The following ACOT11 variants were observed in gnomAD, a reference collection of about 807,000 sequenced individuals.
ACOT11 encodes acyl-coenzyme A thioesterase 11.
ACOT11 carries 69 observed loss-of-function variants against 77.5 expected under a neutral mutation model. That is an observed-to-expected ratio of 0.89 (90% CI 0.73 to 1.09). ACOT11 has a LOEUF of 1.09. Ranked by LOEUF, ACOT11 falls within the 50% of genes least tolerant of loss-of-function variation. ACOT11 has a pLI of 0.00. For missense variants in ACOT11, 766 were observed against 813.7 expected (o/e 0.94, Z 0.71); for synonymous variants, 279 against 313.0 (o/e 0.89, Z 1.15).
chr1:54,586,583 T>C (rs605772), intron 3 of ACOT11, among the ~76,000 whole-genome samples: 144,105 of 152,108 alleles, frequency 0.95, 68,350 homozygotes, highest in East Asian at 1. Flanking sequence ...AGGTGCCTGC[T>C]ACAAGGCCCG....
intron 1 of ACOT11, among the ~76,000 whole-genome samples, chr1:54,564,151 G>A (rs1653652117): frequency 6.6e-6 from 1 of 151,846 alleles, no homozygotes; most frequent in African/African-American, 2.4e-5. Context: ...GAGGTGGGAG[G>A]ATTGCTTGAG....
At chr1:54,606,625 T>C (rs1036415628) in intron 13 of ACOT11, among the ~76,000 whole-genome samples, 10 of 152,222 alleles carry the variant, frequency 6.6e-5, no homozygotes, top group Non-Finnish European at 1.2e-4. Flanking sequence ...ATCTATGAGA[T>C]AGGAATACTA....
At chr1:54,633,961 T>A (rs750760677) in intron 16 of ACOT11, among the ~76,000 whole-genome samples, 30 of 152,212 alleles carry the variant, frequency 2.0e-4, no homozygotes, top group Non-Finnish European at 3.2e-4. Flanking sequence ...CACCTACTGG[T>A]GTTATTGTCC....
chr1:54,589,338 T>TTTTTTTTTG (rs1553163551), intron 3 of ACOT11, among the ~76,000 whole-genome samples: 1 of 146,778 alleles, frequency 6.8e-6, no homozygotes, highest in Non-Finnish European at 1.5e-5. Flanking sequence ...TTTTTTTTTT[T>TTTTTTTTTG]AGAGAAGGAT....
At chr1:54,611,398 T>C (rs557201101), downstream of ACOT11, among the ~76,000 whole-genome samples, 21 of 151,800 alleles carry the variant, frequency 1.4e-4, no homozygotes, top group African/African-American at 4.8e-4. Context: ...AGACTACATC[T>C]CAAAAAAATA....
At chr1:54,626,286 A>G (rs1644272141) in intron 15 of ACOT11, among the ~76,000 whole-genome samples, 1 of 152,020 alleles carries the variant, frequency 6.6e-6, no homozygotes. Context: ...AAGAAAAGAA[A>G]AAAGAGAAAA....
intron 15 of ACOT11, among the ~76,000 whole-genome samples, chr1:54,622,457 A>G (rs1320964440): frequency 6.6e-6 from 1 of 152,060 alleles, no homozygotes; most frequent in African/African-American, 2.4e-5. Flanking sequence ...GCACGCCTGT[A>G]GTCCCAGCTA....
At position 54,620,845 on chromosome 1, in the gene ACOT11, C is replaced by CAAAAAAAAAAAA. The variant is rs767625864; in HGVS notation, c.1630-9868_1630-9857dup. Among the ~76,000 whole-genome samples, 23 of 12,134 alleles carry CAAAAAAAAAAAA rather than the reference C, an allele frequency of 1.9e-3. 4 individuals are homozygous for CAAAAAAAAAAAA. Among genetic ancestry groups the CAAAAAAAAAAAA allele is most frequent in the Non-Finnish European group, 2.8e-3 (19 of 6,670 alleles). 8.0% of individuals were successfully genotyped at this position (12,134 alleles called of 152,430 possible). On this transcript the variant is annotated intron_variant, in intron 15 of 16. Coordinates refer to the ACOT11 transcript ENST00000371316. ...CCTGGATGACACAAAGAGACTCTGT[C>CAAAAAAAAAAAA]AAAAAAAAAAAAAAAAAAAAAAAAA...
chr1:54,633,130 A>G (rs1644310704), intron 16 of ACOT11, among the ~76,000 whole-genome samples: 1 of 152,248 alleles, frequency 6.6e-6, no homozygotes, highest in Non-Finnish European at 1.5e-5. Context: ...GCTAAAGATT[A>G]GGAAAAAATT....
At position 54,610,196 on chromosome 1, in the gene ACOT11, A is replaced by C; in HGVS notation, c.*1084A>C. 7.0e-7 allele frequency: 1 copy of C among 1,433,626 alleles called. No homozygotes were observed. Among genetic ancestry groups the C allele is most frequent in the Non-Finnish European group, 9.1e-7 (1 of 1,099,354 alleles). 88.8% of individuals were successfully genotyped at this position (1,433,626 alleles called of 1,614,324 possible). ...GGCTGGTGCCGGCCTTGCCTGCAGC[A>C]ATGTAGCTGAGGACTGGTCTGAAGG... is the stretch of plus-strand genomic sequence containing the variant. On this transcript the variant is annotated 3_prime_UTR_variant, in exon 16 of 16. Transcript: ENST00000343744.
In ACOT11 at chr1:54,609,365, GCTGTC is replaced by G. The variant is rs751940506; in HGVS notation, c.*256_*260del. 6.2e-7 allele frequency: 1 copy of G among 1,614,054 alleles called. No individual in the cohort carries two copies. The highest frequency in any genetic ancestry group is 1.7e-5 in the Admixed American group (1 of 60,006). ...GTCCACAGCCCTAGCTGCCAGCAAT[GCTGTC>G]CTCACAGAGGCATAGTCGCCCCCAG... On this transcript the variant is annotated 3_prime_UTR_variant, in exon 16 of 16. Coordinates refer to ENST00000343744, the MANE Select transcript of ACOT11 (RefSeq NM_147161.4).
chr1:54,631,118 A>T (rs570922453), intron 16 of ACOT11, among the ~76,000 whole-genome samples: 14 of 152,300 alleles, frequency 9.2e-5, no homozygotes, highest in Admixed American at 3.9e-4. Context: ...TTTGAAGAAA[A>T]TGACTCCCCA....
At position 54,610,262 on chromosome 1, in the gene ACOT11, C is replaced by T; in HGVS notation, c.*1150C>T. 3.4e-6 allele frequency: 5 copies of T among 1,477,364 alleles called. No individual in the cohort carries two copies. In the Admixed American group the frequency reaches 7.4e-5, roughly 22 times the overall value. 91.5% of individuals were successfully genotyped at this position (1,477,364 alleles called of 1,614,324 possible). ...TCTTGACATCACTGTACTCCCTCTC[C>T]CTCCCCGCAACCCTGCCCCACCTTG... On this transcript the variant is annotated 3_prime_UTR_variant, in exon 16 of 16. Coordinates refer to ENST00000343744, the MANE Select transcript of ACOT11 (RefSeq NM_147161.4).
At chr1:54,611,638 T>A (rs1178315027), downstream of ACOT11, 1 of 1,613,942 alleles carries the variant, frequency 6.2e-7, no homozygotes, top group Non-Finnish European at 8.5e-7. Context: ...CAGGAGAGGC[T>A]CAAAGATGTC....
Position 54,610,316 on chromosome 1 carries a change from T to A in ACOT11, c.*1204T>A. The A allele has an allele frequency of 1.3e-6, 2 of 1,547,440 alleles. No individual in the cohort carries two copies. The highest frequency in any genetic ancestry group is 2.5e-5 in the South Asian group (2 of 80,000). On this transcript the variant is annotated 3_prime_UTR_variant, in exon 16 of 16. Transcript: ENST00000343744. ...CCAGGGTATGGTGTAAATAAACCTG[T>A]GTTGCCATGGCAACAGAGACCGGCG...
At chr1:54,614,460 G>A (rs1644150212), downstream of ACOT11, among the ~76,000 whole-genome samples, 1 of 152,164 alleles carries the variant, frequency 6.6e-6, no homozygotes. Flanking sequence ...CCCAGAGGAA[G>A]TCCTGCAGTG....
chr1:54,557,279 C>A (rs2100940638), intron 1 of ACOT11, among the ~76,000 whole-genome samples: 1 of 150,186 alleles, frequency 6.7e-6, no homozygotes. Context: ...GTAATCCCAG[C>A]TACTGAGGAG....
chr1:54,560,556 TCTCA>T (rs975231977), intron 1 of ACOT11, among the ~76,000 whole-genome samples: 5 of 152,170 alleles, frequency 3.3e-5, no homozygotes, highest in Non-Finnish European at 5.9e-5. Context: ...CGAGACAAGG[TCTCA>T]CTCTGTTGTG....
At chr1:54,603,176 A>C (rs1372937420) in intron 10 of ACOT11, among the ~76,000 whole-genome samples, 2 of 152,188 alleles carry the variant, frequency 1.3e-5, no homozygotes, top group East Asian at 1.9e-4. Context: ...GTCTCTACTA[A>C]AAATACAAAA....
Sources: gnomAD v4.1 joint callset for allele counts (sites outside exome capture counted in the v4.1 genomes callset) on GRCh38, gnomAD v4.1.1 for gene constraint, MANE v1.5 for transcripts, NCBI Gene and HGNC (gene_info 2026-07-23, HGNC 2026-07-21) for gene names.